Variants in CACNB2 observed in about 807,000 individuals in gnomAD.
CACNB2 encodes the protein calcium voltage-gated channel auxiliary subunit beta 2, also known as voltage-dependent L-type calcium channel subunit beta-2.
In CACNB2, 42 loss-of-function variants were observed where a neutral mutation model predicts 73.3. The ratio of observed to expected loss-of-function variants is 0.57; its 90% confidence interval spans 0.45 to 0.74. The LOEUF is 0.74. CACNB2 is among the 30% of genes least tolerant of loss of function. CACNB2 has a pLI of 0.00. For synonymous variants in CACNB2, 348 were observed against 310.3 expected, an observed-to-expected ratio of 1.12 and a Z score of -1.28; for missense variants, 940 against 853.0, an observed-to-expected ratio of 1.10 and a Z score of -1.27.
intron 2 of CACNB2, among the ~76,000 whole-genome samples, chr10:18,377,158 G>T (rs937297359): frequency 6.6e-6 from 1 of 152,046 alleles, no homozygotes; most frequent in African/African-American, 2.4e-5. Context: ...AAAACCACCC[G>T]TTCTAAGATA....
chr10:18,468,597 GTTTTGTTTTA>G (rs1164569634), intron 3 of CACNB2, among the ~76,000 whole-genome samples: 1 of 151,880 alleles, frequency 6.6e-6, no homozygotes, highest in African/African-American at 2.4e-5. Flanking sequence ...GATTTTTTTT[GTTTTGTTTTA>G]TTTTGTTTTG....
chr10:18,443,707 C>A (rs565271767), intron 3 of CACNB2, among the ~76,000 whole-genome samples: 1 of 144,680 alleles, frequency 6.9e-6, no homozygotes, highest in African/African-American at 2.5e-5. Context: ...TGATTCAATT[C>A]CTACATACCT....
chr10:18,470,191 A>AG (rs1474345055), intron 3 of CACNB2, among the ~76,000 whole-genome samples: 9 of 151,630 alleles, frequency 5.9e-5, no homozygotes, highest in Admixed American at 1.3e-4. Context: ...CACATTAAAA[A>AG]GAAATGTATT....
chr10:18,269,810 T>C (rs2037972061), intron 2 of CACNB2, among the ~76,000 whole-genome samples: 1 of 152,230 alleles, frequency 6.6e-6, no homozygotes, highest in Non-Finnish European at 1.5e-5. Flanking sequence ...CCTCATTTAC[T>C]GGTTAGATTA....
intron 3 of CACNB2, among the ~76,000 whole-genome samples, chr10:18,441,279 C>T (rs2046397514): frequency 2.0e-5 from 3 of 152,142 alleles, no homozygotes. Context: ...GTGGCGCATG[C>T]CTGTAATCCC....
intron 2 of CACNB2, among the ~76,000 whole-genome samples, chr10:18,381,544 TG>T (rs1274609668): frequency 6.6e-6 from 1 of 151,778 alleles, no homozygotes; most frequent in African/African-American, 2.4e-5. Flanking sequence ...AAAAATTAGC[TG>T]GGCGTGATGG....
At chr10:18,148,388 A>G (rs1042364906) in intron 1 of CACNB2, among the ~76,000 whole-genome samples, 5 of 152,234 alleles carry the variant, frequency 3.3e-5, no homozygotes, top group Admixed American at 2.0e-4. Context: ...AAACTGTAAT[A>G]ATTTCATTAC....
chr10:18,500,334 C>T lies in CACNB2; in HGVS notation c.457-478C>T, dbSNP rs532029965. On this transcript the variant is annotated intron_variant, in intron 4 of 13. Transcript: ENST00000324631. ...AAGTAGAGAAATCATCTGTGAACAT[C>T]GCATTGTATATTTATAAAACTGTTT... is the stretch of plus-strand genomic sequence containing the variant. 8.5e-5 allele frequency among the ~76,000 whole-genome samples: 13 copies of T among 152,296 alleles called. 1 individual carries two copies. The South Asian group carries it at 1.9e-3, about 22-fold the overall frequency.
chr10:18,428,145 G>A (rs763810929), intron 3 of CACNB2, among the ~76,000 whole-genome samples: 38 of 152,078 alleles, frequency 2.5e-4, no homozygotes, highest in Admixed American at 1.0e-3. Context: ...AGATATGCAG[G>A]TGATCCTACT....
intron 2 of CACNB2, among the ~76,000 whole-genome samples, chr10:18,221,992 C>G (rs551250291): frequency 6.6e-6 from 1 of 152,190 alleles, no homozygotes; most frequent in Admixed American, 6.5e-5. Context: ...AGGATTTCAC[C>G]ATTATGCAGT....
At chr10:18,351,792 C>G (rs896104805) in intron 2 of CACNB2, among the ~76,000 whole-genome samples, 5 of 152,170 alleles carry the variant, frequency 3.3e-5, no homozygotes, top group African/African-American at 1.2e-4. Flanking sequence ...GTATTGCTTT[C>G]AAAGTTAGAG....
At chr10:18,283,630 T>C (rs2038654550) in intron 2 of CACNB2, among the ~76,000 whole-genome samples, 1 of 128,036 alleles carries the variant, frequency 7.8e-6, no homozygotes, top group African/African-American at 3.0e-5. Context: ...TGAGAACACT[T>C]GGACACGGGG....
At chr10:18,401,835 C>G in intron 2 of CACNB2, 89 bp from the exon 3 acceptor site, 1 of 1,292,120 alleles carries the variant, frequency 7.7e-7, no homozygotes, top group Non-Finnish European at 1.1e-6. Context: ...ATAGAACAAT[C>G]CGGGAAGCTA....
chr10:18,394,417 T>G (rs1452686815), intron 2 of CACNB2, among the ~76,000 whole-genome samples: 2 of 152,224 alleles, frequency 1.3e-5, no homozygotes, highest in Non-Finnish European at 2.9e-5. Context: ...ATGCTTTTGA[T>G]TAACAAAAAC....
chr10:18,182,332 A>T (rs1588639517), intron 2 of CACNB2, among the ~76,000 whole-genome samples: 1 of 152,062 alleles, frequency 6.6e-6, no homozygotes, highest in East Asian at 1.9e-4. Context: ...CTCAAAAAAA[A>T]ATTTTTTTTT....
At chr10:18,345,049 T>G (rs543846354) in intron 2 of CACNB2, among the ~76,000 whole-genome samples, 2 of 152,266 alleles carry the variant, frequency 1.3e-5, no homozygotes, top group African/African-American at 4.8e-5. Flanking sequence ...TGCCATTGAT[T>G]GTCCAATAAA....
At chr10:18,489,220 A>G (rs936514038) in intron 3 of CACNB2, among the ~76,000 whole-genome samples, 23 of 151,928 alleles carry the variant, frequency 1.5e-4, no homozygotes, top group Admixed American at 1.4e-3. Context: ...CTCTGTGTCA[A>G]GAAACAAAAA....
intron 6 of CACNB2, among the ~76,000 whole-genome samples, chr10:18,508,285 T>C (rs2050594703): frequency 6.6e-6 from 1 of 152,122 alleles, no homozygotes; most frequent in Non-Finnish European, 1.5e-5. Flanking sequence ...CAAAATTAAG[T>C]AAAATAGTAT....
intron 2 of CACNB2, among the ~76,000 whole-genome samples, chr10:18,227,781 A>G (rs1324549707): frequency 1.3e-5 from 2 of 152,230 alleles, no homozygotes; most frequent in African/African-American, 4.8e-5. Flanking sequence ...TAATTTGTGC[A>G]GTGACGTTAA....
Sources: allele counts gnomAD v4.1 joint callset (sites outside exome capture counted in the v4.1 genomes callset), GRCh38; gene constraint gnomAD v4.1.1; transcripts MANE v1.5; gene names NCBI Gene and HGNC (gene_info 2026-07-23, HGNC 2026-07-21).